The following PDZD9 variants were observed in gnomAD, a reference collection of about 807,000 sequenced individuals.
PDZD9 encodes the protein PDZ domain-containing protein 9.
PDZD9 carries 13 observed loss-of-function variants against 16.3 expected under a neutral mutation model. The ratio of observed to expected loss-of-function variants is 0.80; its 90% confidence interval spans 0.52 to 1.27. PDZD9 has a LOEUF of 1.27. PDZD9 is among the 50% of genes most tolerant of loss of function. The pLI is 0.00. For synonymous variants in PDZD9, 120 were observed against 111.0 expected, an observed-to-expected ratio of 1.08 and a Z score of -0.51; for missense variants, 288 against 310.9, an observed-to-expected ratio of 0.93 and a Z score of 0.55.
chr16:21,983,012 G>A, downstream of PDZD9: 5 of 1,004,304 alleles, frequency 5.0e-6, no homozygotes, highest in Non-Finnish European at 5.9e-6. Context: ...TTCTTGAAAT[G>A]ACAAAATAAG....
the PDZD9 span, chr16:21,958,741 CTG>C: frequency 1.4e-6 from 1 of 711,064 alleles, no homozygotes; most frequent in Non-Finnish European, 2.3e-6. Flanking sequence ...GTATATCAAA[CTG>C]TAAAACATCT....
the PDZD9 span, among the ~76,000 whole-genome samples, chr16:21,961,626 T>TTTTA: frequency 1.6e-5 from 1 of 64,476 alleles, no homozygotes; most frequent in Non-Finnish European, 4.3e-5. Flanking sequence ...AACATAAAAT[T>TTTTA]TATATATATA....
intron 3 of PDZD9, among the ~76,000 whole-genome samples, chr16:21,986,031 C>T (rs1370601706): frequency 2.0e-5 from 3 of 151,694 alleles, no homozygotes; most frequent in Non-Finnish European, 1.5e-5. Flanking sequence ...CCATAAAGGA[C>T]AGGTAAATTG....
At chr16:21,962,767 T>C in the PDZD9 span, 1 of 1,614,132 alleles carries the variant, frequency 6.2e-7, no homozygotes, top group East Asian at 2.2e-5. Flanking sequence ...GTAGTGATAT[T>C]CTAATGGAGT....
At chr16:21,993,605 T>G (rs907321718) in intron 2 of PDZD9, among the ~76,000 whole-genome samples, 1 of 152,154 alleles carries the variant, frequency 6.6e-6, no homozygotes, top group African/African-American at 2.4e-5. Flanking sequence ...AAACATAAAC[T>G]GCCCTGTCCC....
downstream of PDZD9, among the ~76,000 whole-genome samples, chr16:21,979,958 T>C (rs545282998): frequency 6.6e-6 from 1 of 152,346 alleles, no homozygotes; most frequent in Non-Finnish European, 1.5e-5. Context: ...AATCAATGCT[T>C]CCTTACAAAA....
the PDZD9 span, among the ~76,000 whole-genome samples, chr16:21,967,136 T>G: frequency 1.3e-3 from 205 of 152,296 alleles, 10 homozygotes; most frequent in Non-Finnish European, 1.0e-3. Context: ...AAGGAAACTC[T>G]AAAGAAATTG....
chr16:21,972,867 C>G, the PDZD9 span, among the ~76,000 whole-genome samples: 3 of 152,116 alleles, frequency 2.0e-5, no homozygotes, highest in African/African-American at 7.2e-5. Flanking sequence ...TTTGGGAGGC[C>G]AAGTTGGGCG....
At chr16:21,964,277 C>T in the PDZD9 span, among the ~76,000 whole-genome samples, 2 of 152,130 alleles carry the variant, frequency 1.3e-5, no homozygotes, top group African/African-American at 4.8e-5. Context: ...TCCCCACTGG[C>T]GGCAGTGAGG....
the PDZD9 span, among the ~76,000 whole-genome samples, chr16:21,972,839 C>T: frequency 3.9e-5 from 6 of 152,222 alleles, no homozygotes; most frequent in African/African-American, 7.2e-5. Context: ...CAGTGGCTCA[C>T]GCCTGTAATC....
At chr16:21,967,893 T>C in the PDZD9 span, among the ~76,000 whole-genome samples, 755 of 152,178 alleles carry the variant, frequency 5.0e-3, 5 homozygotes, top group Non-Finnish European at 8.1e-3. Flanking sequence ...TTACTACTTA[T>C]ATAAACACAA....
At chr16:21,977,628 G>T in the PDZD9 span, among the ~76,000 whole-genome samples, 991 of 152,308 alleles carry the variant, frequency 6.5e-3, 28 homozygotes, top group East Asian at 0.022. Context: ...AAAAGAGACA[G>T]ACTTGGGACA....
chr16:21,996,176 T>C, intron 2 of PDZD9, 146 bp downstream of exon 2: 1 of 1,003,350 alleles, frequency 1.0e-6, no homozygotes, highest in Non-Finnish European at 1.4e-6. Context: ...CCACCCCGCC[T>C]TGGCCTCCCA....
chr16:21,968,841 A>G, the PDZD9 span, among the ~76,000 whole-genome samples: 1 of 152,222 alleles, frequency 6.6e-6, no homozygotes, highest in Non-Finnish European at 1.5e-5. Flanking sequence ...ATTGCTAGTC[A>G]TTTGTTTTGG....
the PDZD9 span, chr16:21,972,191 A>G: frequency 2.0e-6 from 3 of 1,504,074 alleles, no homozygotes; most frequent in East Asian, 2.5e-5. Context: ...TAATTCTGAT[A>G]ATCTACTCTT....
chr16:21,974,926 G>A, the PDZD9 span, among the ~76,000 whole-genome samples: 1 of 152,180 alleles, frequency 6.6e-6, no homozygotes, highest in Non-Finnish European at 1.5e-5. Flanking sequence ...AGACGTGAGA[G>A]GAAAGTTTAA....
intron 3 of PDZD9, among the ~76,000 whole-genome samples, chr16:21,985,913 C>A (rs1282374661): frequency 1.3e-5 from 2 of 152,160 alleles, no homozygotes; most frequent in African/African-American, 4.8e-5. Context: ...TCAGACACAC[C>A]TAGGTCTTCC....
downstream of PDZD9, chr16:21,983,290 G>A: frequency 3.7e-6 from 3 of 807,756 alleles, no homozygotes; most frequent in Non-Finnish European, 5.8e-6. Flanking sequence ...GTAAAATAAG[G>A]CATAAATGCA....
the PDZD9 span, chr16:21,962,451 C>A: frequency 6.2e-7 from 1 of 1,614,056 alleles, no homozygotes; most frequent in Non-Finnish European, 8.5e-7. Flanking sequence ...AGTTTATTTT[C>A]CGATTCAGTG....
Sources: allele counts gnomAD v4.1 joint callset (sites outside exome capture counted in the v4.1 genomes callset), GRCh38; gene constraint gnomAD v4.1.1; transcripts MANE v1.5; gene names NCBI Gene and HGNC (gene_info 2026-07-23, HGNC 2026-07-21).